OSMR: variants seen among roughly 807,000 people sequenced by gnomAD.
OSMR encodes the protein oncostatin M receptor.
Under a neutral mutation model 99.9 loss-of-function variants are expected in OSMR, and 81 were observed. That is an observed-to-expected ratio of 0.81 (90% CI 0.68 to 0.97). The LOEUF is 0.97. Among genes scored for constraint, OSMR ranks in the 50% least tolerant of loss-of-function variants. OSMR has a pLI of 0.00. For synonymous variants in OSMR, 406 were observed against 410.4 expected (o/e 0.99, Z 0.13); for missense variants, 1,099 against 1,153.4 (o/e 0.95, Z 0.68).
chr5:38,924,011 C>A (rs1172428413), intron 13 of OSMR, among the ~76,000 whole-genome samples: 1 of 152,204 alleles, frequency 6.6e-6, no homozygotes, highest in East Asian at 1.9e-4. Flanking sequence ...CCTCTTTGAA[C>A]ATAATTCTTC....
chr5:38,912,507 T>C (rs1249129723), intron 9 of OSMR, among the ~76,000 whole-genome samples: 2 of 152,200 alleles, frequency 1.3e-5, no homozygotes, highest in East Asian at 3.9e-4. Flanking sequence ...CCCAAAGCAA[T>C]TTACAGATTC....
At chr5:38,859,523 C>T (rs549471404) in intron 1 of OSMR, among the ~76,000 whole-genome samples, 60 of 152,070 alleles carry the variant, frequency 3.9e-4, no homozygotes, top group Non-Finnish European at 8.2e-4. Flanking sequence ...ATTTTGAAGG[C>T]AGGTGTTGTG....
At chr5:38,902,687 G>C (rs1269437624) in intron 7 of OSMR, among the ~76,000 whole-genome samples, 1 of 152,168 alleles carries the variant, frequency 6.6e-6, no homozygotes, top group Non-Finnish European at 1.5e-5. Flanking sequence ...GACCAACCAG[G>C]TTGCTTGAGA....
chr5:38,931,469 A>C (rs1265488190), intron 15 of OSMR, among the ~76,000 whole-genome samples: 1 of 152,226 alleles, frequency 6.6e-6, no homozygotes, highest in Non-Finnish European at 1.5e-5. Flanking sequence ...CGATGTATGC[A>C]TGCACATTTA....
At chr5:38,849,941 T>C (rs986746242) in intron 1 of OSMR, among the ~76,000 whole-genome samples, 3 of 152,218 alleles carry the variant, frequency 2.0e-5, no homozygotes, top group Non-Finnish European at 4.4e-5. Flanking sequence ...TTGTAGAGAG[T>C]TAGTATCTTA....
chr5:38,904,851 G>A (rs1185346287), intron 9 of OSMR, among the ~76,000 whole-genome samples: 1 of 152,164 alleles, frequency 6.6e-6, no homozygotes, highest in Non-Finnish European at 1.5e-5. Flanking sequence ...GACAAGGAAA[G>A]CATTGGTCTC....
intron 9 of OSMR, among the ~76,000 whole-genome samples, chr5:38,908,227 C>T (rs1447535582): frequency 1.3e-5 from 2 of 152,202 alleles, no homozygotes; most frequent in Admixed American, 6.5e-5. Context: ...CACCCCTGCA[C>T]TGCCACTGCT....
At chr5:38,894,485 G>A (rs1005461375) in intron 7 of OSMR, among the ~76,000 whole-genome samples, 8 of 152,042 alleles carry the variant, frequency 5.3e-5, no homozygotes, top group Admixed American at 3.3e-4. Context: ...TAGGCTCAAA[G>A]TAAAGGGTTG....
rs184247641 is a variant in OSMR at position 38,858,238 on chromosome 5, G to T, written c.-13-10794G>T. ...GTTCCTCCAATCTAACTGCATGTTT[G>T]TGCCTGTTGACTGCCCCCTTCCTAA... On this transcript the variant is annotated intron_variant, in intron 1 of 17. Coordinates refer to ENST00000274276, the MANE Select transcript of OSMR (RefSeq NM_003999.3). Among the ~76,000 whole-genome samples, 14 of 151,816 alleles carry T rather than the reference G, an allele frequency of 9.2e-5. No individual in the cohort carries two copies. The East Asian group carries it at 2.7e-3, about 29-fold the overall frequency.
Position 38,849,455 on chromosome 5 carries a change from G to T in OSMR, c.-14+3068G>T, listed in dbSNP as rs141052803. The stretch of plus-strand genomic sequence containing the variant: ...TGTCAGGATTCTATTCTGTTTCATT[G>T]ATCTTTTTTTTTGTTTGTTTTTCCC... On this transcript the variant is annotated intron_variant, in intron 1 of 17. Transcript: ENST00000274276. Among the ~76,000 whole-genome samples the T allele has an allele frequency of 3.2e-3, 468 of 145,386 alleles. 1 individual carries two copies. Among genetic ancestry groups the T allele is most frequent in the Middle Eastern group, 0.011 (3 of 274 alleles).
chr5:38,944,387 C>T (rs1370235305), intron 2 of OSMR: 6 of 1,529,548 alleles, frequency 3.9e-6, no homozygotes, highest in Non-Finnish European at 5.3e-6. Flanking sequence ...TTTCAAGTAT[C>T]TTTTCTCGAC....
chr5:38,936,522 G>A (rs867317571), downstream of OSMR, among the ~76,000 whole-genome samples: 4 of 152,132 alleles, frequency 2.6e-5, no homozygotes, highest in African/African-American at 4.8e-5. Context: ...ACAACAGTAC[G>A]ACTGCTGAAA....
intron 1 of OSMR, among the ~76,000 whole-genome samples, chr5:38,853,018 A>G (rs1740543939): frequency 6.6e-6 from 1 of 152,078 alleles, no homozygotes; most frequent in African/African-American, 2.4e-5. Context: ...GGCGTGAGCC[A>G]CCGCGCCCGG....
intron 7 of OSMR, among the ~76,000 whole-genome samples, chr5:38,890,844 G>A (rs1371754106): frequency 6.6e-6 from 1 of 152,024 alleles, no homozygotes; most frequent in African/African-American, 2.4e-5. Context: ...CAAGCCTGGG[G>A]ACGTTGAATG....
At chr5:38,863,506 CA>C (rs1741682508) in intron 1 of OSMR, among the ~76,000 whole-genome samples, 2 of 152,038 alleles carry the variant, frequency 1.3e-5, no homozygotes. Context: ...CACTGCACTC[CA>C]GCCTGGTGAC....
At chr5:38,922,159 A>C (rs953592046) in intron 12 of OSMR, among the ~76,000 whole-genome samples, 1 of 152,190 alleles carries the variant, frequency 6.6e-6, no homozygotes, top group Admixed American at 6.5e-5. Context: ...AGTTGATGAG[A>C]ATCGATCATC....
At chr5:38,940,240 AGG>A, downstream of OSMR, 4 of 225,648 alleles carry the variant, frequency 1.8e-5, no homozygotes, top group East Asian at 6.3e-5. Flanking sequence ...ATGGTGGGGG[AGG>A]GGGTGTGTGT....
At chr5:38,907,064 A>G (rs1334552240) in intron 9 of OSMR, among the ~76,000 whole-genome samples, 1 of 152,210 alleles carries the variant, frequency 6.6e-6, no homozygotes, top group African/African-American at 2.4e-5. Context: ...GAATCAGGCA[A>G]GAGAAACACA....
In OSMR at chr5:38,924,671, C is replaced by T. The variant is rs1185776013; in HGVS notation, c.2044+76C>T. 4 of 1,248,032 alleles carry T rather than the reference C, an allele frequency of 3.2e-6. No homozygotes were observed. The African/African-American group carries it at 5.9e-5, about 18-fold the overall frequency. The allele number at this position is 1,248,032 out of a possible 1,614,324, so 77.3% of individuals were successfully genotyped here. A position where few individuals can be genotyped will look rare whatever the true frequency, so the allele number is the denominator to read the frequency against. ...TGAAATCATTTAAAATAATGGCTGCCATCTCAGACTGTGGCCAGGCTGAAT... is the reference window on the plus strand; with the variant it reads ...TGAAATCATTTAAAATAATGGCTGCTATCTCAGACTGTGGCCAGGCTGAAT... On this transcript the variant is annotated intron_variant, in intron 14 of 17. Transcript: ENST00000274276.
Sources: gnomAD v4.1 joint callset for allele counts (sites outside exome capture counted in the v4.1 genomes callset) on GRCh38, gnomAD v4.1.1 for gene constraint, MANE v1.5 for transcripts, NCBI Gene and HGNC (gene_info 2026-07-23, HGNC 2026-07-21) for gene names.